The following IKBKB variants were observed in gnomAD, a reference collection of about 807,000 sequenced individuals.
IKBKB encodes the protein inhibitor of nuclear factor kappa B kinase subunit beta.
IKBKB carries 42 observed loss-of-function variants against 113.6 expected under a neutral mutation model. That is an observed-to-expected ratio of 0.37 (90% confidence interval 0.29 to 0.48). IKBKB has a LOEUF of 0.48. IKBKB is among the 20% of genes least tolerant of loss of function. The probability of loss-of-function intolerance (pLI) is 0.99; values close to 1 mark genes in which losing one functional copy is unlikely to be tolerated. For missense variants in IKBKB, 673 were observed against 939.7 expected (o/e 0.72, Z 3.71); for synonymous variants, 296 against 361.3 (o/e 0.82, Z 2.05).
intron 5 of IKBKB, among the ~76,000 whole-genome samples, chr8:42,301,220 T>C (rs994702510): frequency 3.9e-5 from 6 of 152,230 alleles, no homozygotes; most frequent in Admixed American, 3.3e-4. Context: ...CTCTTCTCTG[T>C]AATGGGAACA....
chr8:42,299,244 C>T (rs945283234), intron 5 of IKBKB, among the ~76,000 whole-genome samples: 1 of 152,194 alleles, frequency 6.6e-6, no homozygotes, highest in Admixed American at 6.5e-5. Context: ...CGCTCCTGCT[C>T]ATAGCCTTGC....
intron 2 of IKBKB, among the ~76,000 whole-genome samples, chr8:42,287,819 G>A (rs927130032): frequency 6.6e-6 from 1 of 152,112 alleles, no homozygotes; most frequent in Non-Finnish European, 1.5e-5. Flanking sequence ...GCCATATTAT[G>A]CTTGCGTTCT....
At chr8:42,330,481 C>G (rs997239621) in intron 21 of IKBKB, 3 of 181,958 alleles carry the variant, frequency 1.6e-5, no homozygotes, top group African/African-American at 4.8e-5. Flanking sequence ...CCACCATACC[C>G]AGCCAATAAA....
chr8:42,318,946 AGCTCACTACCATGT>A, intron 13 of IKBKB: 1 of 526,476 alleles, frequency 1.9e-6, no homozygotes. Context: ...AACCCAGAGG[AGCTCACTACCATGT>A]GGATTAGCAA....
At chr8:42,305,154 G>A (rs1164555856) in intron 5 of IKBKB, 33 bp from the exon 6 acceptor site, 2 of 1,439,522 alleles carry the variant, frequency 1.4e-6, no homozygotes, top group Admixed American at 1.7e-5. Flanking sequence ...GCATTTTTTA[G>A]GCCTAAGAAA....
chr8:42,279,319 G>A (rs1402729175), intron 2 of IKBKB, among the ~76,000 whole-genome samples: 1 of 152,200 alleles, frequency 6.6e-6, no homozygotes, highest in Non-Finnish European at 1.5e-5. Context: ...TGGTGGTGTT[G>A]GTTCCTTGAC....
chr8:42,283,769 A>G (rs1810824333), intron 2 of IKBKB, among the ~76,000 whole-genome samples: 1 of 152,240 alleles, frequency 6.6e-6, no homozygotes, highest in Admixed American at 6.5e-5. Flanking sequence ...TACGGCAGCA[A>G]TAGAAAACAA....
chr8:42,330,840 T>C, intron 21 of IKBKB, 74 bp from the exon 22 acceptor site: 2 of 1,611,508 alleles, frequency 1.2e-6, no homozygotes. Flanking sequence ...TGTCCTGATT[T>C]CCTCCTGAAG....
rs199631744 is a variant in IKBKB at position 42,318,681 on chromosome 8, G to T, written c.1364+6G>T. The T allele has an allele frequency of 2.5e-6, 4 of 1,581,198 alleles. No homozygotes were observed. In the Admixed American group the frequency reaches 5.7e-5, roughly 23 times the overall value. On this transcript the variant is annotated splice_donor_region_variant and intron_variant, in intron 13 of 21. Coordinates refer to ENST00000520810, the MANE Select transcript of IKBKB (RefSeq NM_001556.3). ...CAGGGACAGCGAGCCGCCATGTAGC[G>T]TGCCAGGCTTTTTTTTTAAACTTAA...
intron 8 of IKBKB, among the ~76,000 whole-genome samples, chr8:42,310,889 C>T (rs746712458): frequency 3.9e-5 from 6 of 152,178 alleles, no homozygotes; most frequent in Non-Finnish European, 7.3e-5. Flanking sequence ...TGTTATTTCA[C>T]TGAATGGCTG....
At chr8:42,320,618 A>T (rs764285519) in intron 15 of IKBKB, 117 bp from the exon 16 acceptor site, 5 of 804,960 alleles carry the variant, frequency 6.2e-6, no homozygotes, top group Non-Finnish European at 1.1e-5. Flanking sequence ...CCTTTGAGCC[A>T]GTCCATTGAG....
Position 42,316,407 on chromosome 8 carries a change from G to A in IKBKB, c.930+68G>A. 2.5e-6 allele frequency: 4 copies of A among 1,591,004 alleles called. No homozygotes were observed. Among genetic ancestry groups the A allele is most frequent in the Non-Finnish European group, 3.4e-6 (4 of 1,163,652 alleles). On this transcript the variant is annotated intron_variant, in intron 10 of 21. Transcript: ENST00000520810. The surrounding 1 kb of genome is among the most constrained non-coding windows in gnomAD (Gnocchi z 4.5). Reference sequence around the variant, plus strand: ...CCCCAGTGGAACATGCAGTTCTTAGGACAGAGCAGGGGATGGGGCCAGCTG... The same window carrying A: ...CCCCAGTGGAACATGCAGTTCTTAGAACAGAGCAGGGGATGGGGCCAGCTG...
intron 19 of IKBKB, among the ~76,000 whole-genome samples, chr8:42,324,253 G>A (rs866033519): frequency 3.9e-5 from 6 of 152,100 alleles, no homozygotes; most frequent in Admixed American, 6.5e-5. Context: ...GTGAGCTTAC[G>A]TGGGCCACGC....
At chr8:42,289,833 C>T (rs777293789) in intron 3 of IKBKB, among the ~76,000 whole-genome samples, 3 of 152,166 alleles carry the variant, frequency 2.0e-5, no homozygotes, top group Non-Finnish European at 4.4e-5. Flanking sequence ...TGTGACACAT[C>T]CTCCCCATGT....
At position 42,281,398 on chromosome 8, in the gene IKBKB, G is replaced by A. The variant is rs183232348; in HGVS notation, c.106-7236G>A. Among the ~76,000 whole-genome samples the A allele has an allele frequency of 4.4e-3, 666 of 152,296 alleles. 7 individuals are homozygous for A. The highest frequency in any genetic ancestry group is 6.5e-3 in the Non-Finnish European group (445 of 68,016). On this transcript the variant is annotated intron_variant, in intron 2 of 21. Transcript: ENST00000520810. ...GGAGCCATCCCCATCTTATGGATGA[G>A]GACCCAGATGCTTGTACCATGGGCT...
At chr8:42,285,354 T>TG (rs1469373730) in intron 2 of IKBKB, among the ~76,000 whole-genome samples, 1 of 151,962 alleles carries the variant, frequency 6.6e-6, no homozygotes, top group East Asian at 1.9e-4. Context: ...GAGACCAGCC[T>TG]GGGCAACATA....
At chr8:42,286,852 ATCT>A (rs760711241) in intron 2 of IKBKB, among the ~76,000 whole-genome samples, 28 of 152,194 alleles carry the variant, frequency 1.8e-4, no homozygotes, top group Admixed American at 9.2e-4. Flanking sequence ...CAATGCTGAA[ATCT>A]TCTCCTACTG....
At chr8:42,305,911 C>G (rs1816428770) in intron 6 of IKBKB, among the ~76,000 whole-genome samples, 1 of 152,266 alleles carries the variant, frequency 6.6e-6, no homozygotes, top group South Asian at 2.1e-4. Flanking sequence ...CCCTTAGCAC[C>G]TAGGCCTGGC....
chr8:42,307,624 G>T lies in IKBKB; in HGVS notation c.567+1192G>T, dbSNP rs149015356. 3.9e-3 allele frequency among the ~76,000 whole-genome samples: 596 copies of T among 152,240 alleles called. 2 individuals carry two copies. The highest frequency in any genetic ancestry group is 0.014 in the African/African-American group (579 of 41,546). ...ATTGGGAGTGACTCAAGGAGTCTGC[G>T]GCTTTCAGAGTGGGTCTCACAGAGG... On this transcript the variant is annotated intron_variant, in intron 7 of 21. Transcript: ENST00000520810.
Sources: allele counts gnomAD v4.1 joint callset (sites outside exome capture counted in the v4.1 genomes callset), GRCh38; gene constraint gnomAD v4.1.1; non-coding constraint Gnocchi (gnomAD v3.1); transcripts MANE v1.5; gene names NCBI Gene and HGNC (gene_info 2026-07-23, HGNC 2026-07-21).